The following RICTOR variants were observed in gnomAD, a reference collection of about 807,000 sequenced individuals.
RICTOR encodes the protein RPTOR independent companion of MTOR complex 2, also known as rapamycin-insensitive companion of mTOR.
A neutral mutation model predicts 214.9 loss-of-function variants in RICTOR; 49 were observed. The observed-to-expected ratio is 0.23, with a 90% confidence interval of 0.18 to 0.29. The LOEUF is 0.29. Ranked by LOEUF, RICTOR falls within the 10% of genes least tolerant of loss-of-function variation. The pLI is 1.00. For missense variants in RICTOR, 1,625 were observed against 2,047.0 expected (o/e 0.79, Z 3.98); for synonymous variants, 717 against 711.3 (o/e 1.01, Z -0.13).
intron 7 of RICTOR, among the ~76,000 whole-genome samples, chr5:38,990,676 A>AGATATATAT (rs1752606725): frequency 2.0e-5 from 2 of 100,062 alleles, no homozygotes; most frequent in African/African-American, 8.1e-5. Flanking sequence ...GATATATATC[A>AGATATATAT]GATATATCAT....
At chr5:38,952,095 A>T in intron 30 of RICTOR, 101 bp downstream of exon 30, 1 of 726,540 alleles carries the variant, frequency 1.4e-6, no homozygotes. Flanking sequence ...ATTATCTTAG[A>T]CAAAAGCAAA....
chr5:39,008,721 T>A (rs1318735289), intron 3 of RICTOR, among the ~76,000 whole-genome samples: 1 of 151,570 alleles, frequency 6.6e-6, no homozygotes, highest in Non-Finnish European at 1.5e-5. Flanking sequence ...AAATATACCA[T>A]TAAAAAAAAA....
At position 38,946,507 on chromosome 5, in the gene RICTOR, C is replaced by T. The variant is rs1423358379; in HGVS notation, c.4360G>A (p.Asp1454Asn). 6.2e-7 allele frequency: 1 copy of T among 1,612,032 alleles called. No homozygotes were observed. Among genetic ancestry groups the T allele is most frequent in the Admixed American group, 1.7e-5 (1 of 59,988 alleles). Residue 1454 changes from aspartate (D) to asparagine (N), a missense_variant, in exon 33 of 38, where the codon GAT (aspartate) becomes AAT (asparagine). Coordinates refer to ENST00000357387, the MANE Select transcript of RICTOR (RefSeq NM_152756.5). ...GCAAATGCTCTTGCACCTCGATCAT[C>T]ATGTGGTGGTATGTTTTTTGTCTGA... ...YFQTKNIPPH[D>N]DRGARAFAHD... is the part of the protein sequence containing the mutation.
chr5:38,960,046 A>G (rs991944599), intron 20 of RICTOR, 68 bp from the exon 21 acceptor site: 1 of 1,088,760 alleles, frequency 9.2e-7, no homozygotes. Flanking sequence ...AATCAACTTC[A>G]ATCAAGTACA....
chr5:39,000,327 T>C (rs1459835688), intron 5 of RICTOR, among the ~76,000 whole-genome samples: 1 of 151,818 alleles, frequency 6.6e-6, no homozygotes, highest in Non-Finnish European at 1.5e-5. Flanking sequence ...CAAACATACA[T>C]ACTCCCAATA....
intron 3 of RICTOR, among the ~76,000 whole-genome samples, chr5:39,011,884 C>T (rs1754548114): frequency 6.6e-6 from 1 of 152,092 alleles, no homozygotes; most frequent in Non-Finnish European, 1.5e-5. Context: ...CTTGCCTTGT[C>T]TCCAATGAAA....
At chr5:38,988,206 T>C (rs1348040898) in intron 7 of RICTOR, among the ~76,000 whole-genome samples, 1 of 152,188 alleles carries the variant, frequency 6.6e-6, no homozygotes, top group Non-Finnish European at 1.5e-5. Flanking sequence ...GTTCTGTAGA[T>C]ATCTATTAGG....
rs1272119485 is a variant in RICTOR at position 38,938,669 on chromosome 5, A to G, written c.*3635T>C. 2 of 232,602 alleles carry G rather than the reference A, an allele frequency of 8.6e-6. No individual in the cohort carries two copies. The highest frequency in any genetic ancestry group is 4.4e-5 in the African/African-American group (2 of 45,322). The allele number at this position is 232,602 out of a possible 1,614,324, so 14.4% of individuals were successfully genotyped here. On this transcript the variant is annotated 3_prime_UTR_variant, in exon 38 of 38. Coordinates refer to ENST00000357387, the MANE Select transcript of RICTOR (RefSeq NM_152756.5). ...AAATACCCTGGAACTTGGAACTAAA[A>G]GAAGAAAAGAATGCTCCTAGAAAGA...
At chr5:38,986,531 T>C (rs1205653154) in intron 7 of RICTOR, among the ~76,000 whole-genome samples, 6 of 152,210 alleles carry the variant, frequency 3.9e-5, no homozygotes, top group African/African-American at 7.2e-5. Context: ...TAATGTCGCA[T>C]TGAAATTATT....
In RICTOR at chr5:38,971,953, A is replaced by G; in HGVS notation, c.896T>C (p.Ile299Thr). 4 of 1,370,464 alleles carry G rather than the reference A, an allele frequency of 2.9e-6. No individual in the cohort carries two copies. The highest frequency in any genetic ancestry group is 4.1e-6 in the Non-Finnish European group (4 of 966,356). The allele number at this position is 1,370,464 out of a possible 1,614,324, so 84.9% of individuals were successfully genotyped here. ...AGAATTTCCAGGTTTACATAAATTA[A>G]TAATACCTAAAGAGGACAGAAAGAA... is the stretch of plus-strand genomic sequence containing the variant. ...IATFRSWAGI[I>T]NLCKPGNSGI... Residue 299 changes from isoleucine to threonine, a missense_variant, in exon 11 of 38, where the codon ATT becomes ACT. By Grantham distance (89) the Ile-to-Thr change is moderately conservative. Transcript: ENST00000357387.
At position 38,982,047 on chromosome 5, in the gene RICTOR, A is replaced by C; in HGVS notation, c.584-11T>G. Reference sequence around the variant, plus strand: ...CTGGATTCTGAAGTGCTAAAAGAGAAAAACTTAACATATTATATTTGGGGT... The same window carrying C: ...CTGGATTCTGAAGTGCTAAAAGAGACAAACTTAACATATTATATTTGGGGT... On this transcript the variant is annotated splice_polypyrimidine_tract_variant and intron_variant, in intron 7 of 37. Transcript: ENST00000357387. 6.3e-7 allele frequency: 1 copy of C among 1,583,726 alleles called. No individual in the cohort carries two copies. Among genetic ancestry groups the C allele is most frequent in the East Asian group, 2.2e-5 (1 of 44,564 alleles).
At chr5:38,989,311 G>A (rs1357393584) in intron 7 of RICTOR, among the ~76,000 whole-genome samples, 6 of 152,192 alleles carry the variant, frequency 3.9e-5, no homozygotes, top group South Asian at 2.1e-4. Flanking sequence ...CTGGCTAGCC[G>A]TATGCAGAAA....
chr5:38,950,833 TTAAAAA>T (rs988964021), intron 30 of RICTOR, 113 bp from the exon 31 acceptor site: 2 of 806,910 alleles, frequency 2.5e-6, no homozygotes, highest in African/African-American at 3.5e-5. Flanking sequence ...AGGAAAAAAT[TTAAAAA>T]TAAACGGTTA....
intron 2 of RICTOR, among the ~76,000 whole-genome samples, chr5:39,068,226 T>G (rs1286366975): frequency 6.6e-6 from 1 of 152,084 alleles, no homozygotes; most frequent in East Asian, 1.9e-4. Context: ...CTACGCAAGG[T>G]CAAGCGAATA....
At chr5:39,022,941 C>T (rs900112630) in intron 2 of RICTOR, among the ~76,000 whole-genome samples, 1 of 152,056 alleles carries the variant, frequency 6.6e-6, no homozygotes, top group Non-Finnish European at 1.5e-5. Flanking sequence ...TGGATGAAAA[C>T]TTTCCAAATT....
intron 3 of RICTOR, among the ~76,000 whole-genome samples, chr5:39,019,316 A>C (rs1755212530): frequency 6.6e-6 from 1 of 152,238 alleles, no homozygotes; most frequent in African/African-American, 2.4e-5. Flanking sequence ...CTTCAACTGG[A>C]AGAAGACGCC....
intron 2 of RICTOR, among the ~76,000 whole-genome samples, chr5:39,037,840 C>A (rs1343775312): frequency 2.0e-5 from 3 of 152,034 alleles, no homozygotes; most frequent in African/African-American, 7.2e-5. Context: ...GCTTACCAAC[C>A]AAAAAAAGTC....
intron 2 of RICTOR, among the ~76,000 whole-genome samples, chr5:39,051,040 TATACAC>T (rs1757801952): frequency 9.9e-6 from 1 of 100,874 alleles, no homozygotes; most frequent in African/African-American, 3.1e-5. Context: ...CATACATATA[TATACAC>T]ACACACACAC....
rs765043737 is a variant in RICTOR at position 38,950,409 on chromosome 5, A to G, written c.3439T>C (p.Phe1147Leu). 6.2e-7 allele frequency: 1 copy of G among 1,613,430 alleles called. No homozygotes were observed. The highest frequency in any genetic ancestry group is 8.5e-7 in the Non-Finnish European group (1 of 1,179,576). The change falls in exon 31 of 38, where the codon TTT becomes CTT. Residue 1147 changes from phenylalanine to leucine, a missense_variant. By Grantham distance (22) the Phe-to-Leu change is conservative. Around this residue, in one of 5 missense-constraint regions of RICTOR, gnomAD observed 1,214 missense variants for 1,470.5 expected, o/e 0.83. Coordinates refer to ENST00000357387, the MANE Select transcript of RICTOR (RefSeq NM_152756.5). ...TTCTGTACAGTGGATATGGGTGTAA[A>G]ATCATCACTATGATTAAAATCAACA... is the stretch of plus-strand genomic sequence containing the variant. ...PSVDFNHSDD[F>L]TPISTVQKTL...
Sources: allele counts gnomAD v4.1 joint callset (sites outside exome capture counted in the v4.1 genomes callset), GRCh38; gene constraint gnomAD v4.1.1; regional missense constraint gnomAD v4.1.1; transcripts MANE v1.5; gene names NCBI Gene and HGNC (gene_info 2026-07-23, HGNC 2026-07-21).